ZBTB8OS: variants seen among roughly 807,000 people sequenced by gnomAD.
ZBTB8OS encodes tRNA splicing ligase complex subunit 1, also known as tRNA-splicing ligase-activating factor archease.
A neutral mutation model predicts 29.3 loss-of-function variants in ZBTB8OS; 16 were observed. That is an observed-to-expected ratio of 0.55 (90% CI 0.37 to 0.83). ZBTB8OS has a LOEUF of 0.83. Among genes scored for constraint, ZBTB8OS ranks in the 40% least tolerant of loss-of-function variants. The pLI, the probability that ZBTB8OS is intolerant of heterozygous loss-of-function variation, is 0.00. For synonymous variants in ZBTB8OS, 70 were observed against 64.6 expected (o/e 1.08, Z -0.40); for missense variants, 160 against 196.9 (o/e 0.81, Z 1.12).
upstream of ZBTB8OS, chr1:32,650,720 C>G: frequency 1.1e-6 from 1 of 949,192 alleles, no homozygotes; most frequent in Non-Finnish European, 1.6e-6. Context: ...AGCCAAAACC[C>G]CATCTTCTGC....
At chr1:32,641,217 T>C (rs1646372909) in intron 1 of ZBTB8OS, among the ~76,000 whole-genome samples, 1 of 150,598 alleles carries the variant, frequency 6.6e-6, no homozygotes, top group Admixed American at 6.7e-5. Context: ...CAAGAAAAAG[T>C]GTTCCATGAA....
At chr1:32,625,393 G>T (rs1166446782) in intron 6 of ZBTB8OS, among the ~76,000 whole-genome samples, 2 of 151,822 alleles carry the variant, frequency 1.3e-5, no homozygotes, top group Non-Finnish European at 1.5e-5. Context: ...AATTAGCCAG[G>T]TATGGCGTCA....
At chr1:32,625,603 G>A (rs1435242566) in intron 6 of ZBTB8OS, among the ~76,000 whole-genome samples, 2 of 152,088 alleles carry the variant, frequency 1.3e-5, no homozygotes, top group African/African-American at 4.8e-5. Flanking sequence ...TGGAATTGGT[G>A]GTGTGCACCT....
intron 1 of ZBTB8OS, among the ~76,000 whole-genome samples, chr1:32,637,616 A>G (rs1170504693): frequency 6.6e-6 from 1 of 152,130 alleles, no homozygotes; most frequent in Non-Finnish European, 1.5e-5. Flanking sequence ...ATGAAAACTA[A>G]AATGGGCAAA....
intron 1 of ZBTB8OS, among the ~76,000 whole-genome samples, chr1:32,648,997 C>G (rs2148491155): frequency 1.0e-5 from 1 of 97,846 alleles, no homozygotes; most frequent in Non-Finnish European, 1.9e-5. Flanking sequence ...GAGACAGTCT[C>G]ACTCTGTTGC....
intron 1 of ZBTB8OS, among the ~76,000 whole-genome samples, chr1:32,644,089 G>A (rs905779376): frequency 1.3e-5 from 2 of 151,942 alleles, no homozygotes; most frequent in African/African-American, 2.4e-5. Flanking sequence ...ACAATTTTAC[G>A]GAAGTAAAGT....
chr1:32,625,534 A>AAAAAC (rs146908676), intron 6 of ZBTB8OS, among the ~76,000 whole-genome samples: 8,357 of 151,188 alleles, frequency 0.055, 273 homozygotes, highest in Middle Eastern at 0.061. Context: ...ACTCCGTCTC[A>AAAAAC]AAAACAAAAC....
chr1:32,646,704 G>T (rs550359338), intron 1 of ZBTB8OS, among the ~76,000 whole-genome samples: 20 of 151,574 alleles, frequency 1.3e-4, no homozygotes, highest in African/African-American at 4.8e-4. Flanking sequence ...CAGTGGACAA[G>T]GCATTCCCTG....
rs772865272 is a variant in ZBTB8OS at position 32,650,465 on chromosome 1, G to C, written c.65C>G (p.Ala22Gly). ...NLTEEQKAIK[A>G]KYPPVNRKYE... ...CTTCCTATTGACTGGCGGATACTTG[G>C]CCTTGATCGCCTTCTGTTCTTCAGT... The change falls in exon 1 of 7, where the codon GCC becomes GGC. Residue 22 changes from alanine to glycine, a missense_variant. Ala to Gly is a moderately conservative substitution (Grantham distance 60). Coordinates refer to ENST00000468695, the MANE Select transcript of ZBTB8OS (RefSeq NM_178547.5). The C allele has an allele frequency of 1.2e-6, 2 of 1,614,154 alleles. No individual in the cohort carries two copies. The highest frequency in any genetic ancestry group is 1.7e-6 in the Non-Finnish European group (2 of 1,180,016).
intron 1 of ZBTB8OS, among the ~76,000 whole-genome samples, chr1:32,644,334 A>G (rs1646668861): frequency 6.6e-6 from 1 of 152,108 alleles, no homozygotes; most frequent in African/African-American, 2.4e-5. Flanking sequence ...TGCCAGTGAA[A>G]GAGCCAAGAT....
chr1:32,634,228 A>G (rs748511099), intron 2 of ZBTB8OS, 156 bp from the exon 3 acceptor site: 23 of 538,238 alleles, frequency 4.3e-5, no homozygotes, highest in Non-Finnish European at 6.8e-5. Flanking sequence ...TCTTTTTATT[A>G]TTTATTTATG....
intron 1 of ZBTB8OS, among the ~76,000 whole-genome samples, chr1:32,646,856 G>A (rs1306295708): frequency 1.4e-5 from 2 of 143,978 alleles, no homozygotes; most frequent in African/African-American, 5.1e-5. Flanking sequence ...GGCCAGCATG[G>A]TGAAACCCTG....
At chr1:32,644,285 G>C (rs1371830738) in intron 1 of ZBTB8OS, among the ~76,000 whole-genome samples, 2 of 152,120 alleles carry the variant, frequency 1.3e-5, no homozygotes, top group Non-Finnish European at 2.9e-5. Flanking sequence ...GGATGTGCTA[G>C]GAGTCAGCTT....
chr1:32,640,143 C>T (rs2148422439), intron 1 of ZBTB8OS: 1 of 152,236 alleles, frequency 6.6e-6, no homozygotes, highest in Non-Finnish European at 1.5e-5. Flanking sequence ...GTCGCCCAGG[C>T]TGGAGTGCAG....
chr1:32,633,718 A>T lies in ZBTB8OS; in HGVS notation c.254T>A (p.Leu85Ter). The change falls in exon 4 of 7, where the codon TTA (leucine) becomes TAA (stop). Residue 85 changes from leucine to a stop codon, truncating the protein, a stop_gained. Coordinates refer to ENST00000468695, the MANE Select transcript of ZBTB8OS (RefSeq NM_178547.5). LOFTEE classifies it high-confidence loss of function. ...TVEVETQGDD[L>*]QSLLFHFLDE... is the part of the protein sequence containing the mutation. ...CAAAAAGTGAAACAGAAGAGACTGT[A>T]AGTCATCTCCTACACAAGATCAAAT... 1 of 1,605,254 alleles carries T rather than the reference A, an allele frequency of 6.2e-7. No individual in the cohort carries two copies. The highest frequency in any genetic ancestry group is 8.5e-7 in the Non-Finnish European group (1 of 1,176,878).
At chr1:32,631,992 C>CTTTTT (rs71006345) in intron 4 of ZBTB8OS, 113 bp from the exon 5 acceptor site, 27 of 135,718 alleles carry the variant, frequency 2.0e-4, no homozygotes, top group South Asian at 4.3e-4. Flanking sequence ...TTGGTAAAAC[C>CTTTTT]TTTTTTTTTT....
chr1:32,646,250 C>T (rs1395438279), intron 1 of ZBTB8OS, among the ~76,000 whole-genome samples: 1 of 151,218 alleles, frequency 6.6e-6, no homozygotes, highest in Non-Finnish European at 1.5e-5. Context: ...GTCCAGGAGG[C>T]AGAGGTTGTA....
At chr1:32,644,545 T>C (rs1290727075) in intron 1 of ZBTB8OS, among the ~76,000 whole-genome samples, 1 of 149,254 alleles carries the variant, frequency 6.7e-6, no homozygotes, top group Non-Finnish European at 1.5e-5. Context: ...TTTTTTTTTT[T>C]TTTTTTTGGA....
At chr1:32,630,080 C>A (rs1395358559) in intron 5 of ZBTB8OS, among the ~76,000 whole-genome samples, 1 of 151,768 alleles carries the variant, frequency 6.6e-6, no homozygotes, top group Non-Finnish European at 1.5e-5. Flanking sequence ...TAAAAAACAA[C>A]AAAAAACAAA....
Sources: gnomAD v4.1 joint callset for allele counts (sites outside exome capture counted in the v4.1 genomes callset) on GRCh38, gnomAD v4.1.1 for gene constraint, MANE v1.5 for transcripts, NCBI Gene and HGNC (gene_info 2026-07-23, HGNC 2026-07-21) for gene names.